Variants in DHRSX observed in about 807,000 individuals in gnomAD.
DHRSX encodes the protein polyprenol dehydrogenase.
Under a neutral mutation model 34.0 loss-of-function variants are expected in DHRSX, and 31 were observed. The ratio of observed to expected loss-of-function variants is 0.91; its 90% CI spans 0.69 to 1.23. The LOEUF is 1.23. Ranked by LOEUF, DHRSX falls within the 50% of genes most tolerant of loss-of-function variation. The probability of loss-of-function intolerance (pLI) is 0.00; values close to 1 mark genes in which losing one functional copy is unlikely to be tolerated. For synonymous variants in DHRSX, 201 were observed against 183.8 expected (o/e 1.09, Z -0.76); for missense variants, 414 against 428.1 (o/e 0.97, Z 0.29).
At chrX:2,271,785 T>C (rs1237864525) in intron 4 of DHRSX, among the ~76,000 whole-genome samples, 1 of 152,074 alleles carries the variant, frequency 6.6e-6, no homozygotes, top group Non-Finnish European at 1.5e-5. Flanking sequence ...ATGCCTGTAA[T>C]CCTCCCAGCA....
chrX:2,284,232 A>C (rs1363312817), intron 4 of DHRSX, among the ~76,000 whole-genome samples: 3 of 152,108 alleles, frequency 2.0e-5, no homozygotes, highest in Admixed American at 1.3e-4. Context: ...CTTTGAATTC[A>C]TTTGTTCATT....
chrX:2,362,912 T>C (rs1335587458), intron 3 of DHRSX, among the ~76,000 whole-genome samples: 1 of 118,812 alleles, frequency 8.4e-6, no homozygotes, highest in East Asian at 2.2e-4. Context: ...CGTTCTATGG[T>C]ATCATGCCAC....
At chrX:2,458,204 G>A (rs1487714659) in intron 1 of DHRSX, among the ~76,000 whole-genome samples, 4 of 151,998 alleles carry the variant, frequency 2.6e-5, no homozygotes, top group Non-Finnish European at 5.9e-5. Context: ...CACTGCAGAC[G>A]TTCCCTAAGA....
intron 5 of DHRSX, among the ~76,000 whole-genome samples, chrX:2,253,993 G>A (rs2016503004): frequency 1.3e-5 from 2 of 152,002 alleles, no homozygotes; most frequent in African/African-American, 2.4e-5. Context: ...CCCGGAAGGC[G>A]GAGCTTGCAG....
At chrX:2,291,894 G>GTTTTTTTTTTTTTTTTTTTTT (rs1162716010) in intron 3 of DHRSX, among the ~76,000 whole-genome samples, 1 of 95,322 alleles carries the variant, frequency 1.0e-5, no homozygotes, top group African/African-American at 3.9e-5. Flanking sequence ...TTGTATTTTT[G>GTTTTTTTTTTTTTTTTTTTTT]TATTTTTTTT....
intron 3 of DHRSX, among the ~76,000 whole-genome samples, chrX:2,389,873 G>A (rs762820955): frequency 5.3e-5 from 8 of 152,134 alleles, no homozygotes; most frequent in South Asian, 2.1e-4. Context: ...CTCCGCCTCC[G>A]GGGATCAAGT....
At chrX:2,495,773 G>A (rs761222119) in intron 1 of DHRSX, among the ~76,000 whole-genome samples, 1 of 152,194 alleles carries the variant, frequency 6.6e-6, no homozygotes, top group African/African-American at 2.4e-5. Context: ...CCAGTGCGGG[G>A]GGAGGGGGGT....
chrX:2,393,808 ACGACACACAGGGACCTCCCCG>A (rs2043373666), intron 3 of DHRSX, among the ~76,000 whole-genome samples: 1 of 53,746 alleles, frequency 1.9e-5, no homozygotes, highest in Non-Finnish European at 3.9e-5. Flanking sequence ...TCCTGCACAC[ACGACACACAGGGACCTCCCCG>A]TCTCCTGCAC....
At chrX:2,321,731 C>T (rs2042314299) in intron 3 of DHRSX, among the ~76,000 whole-genome samples, 1 of 152,054 alleles carries the variant, frequency 6.6e-6, no homozygotes, top group East Asian at 1.9e-4. Flanking sequence ...CATCTATGGT[C>T]CAGTTAACCC....
At chrX:2,414,884 C>G (rs183928445) in intron 2 of DHRSX, among the ~76,000 whole-genome samples, 5 of 152,038 alleles carry the variant, frequency 3.3e-5, no homozygotes, top group Non-Finnish European at 7.4e-5. Context: ...AACTAATTCT[C>G]ATAATGACCA....
chrX:2,329,901 A>C (rs1193679758), intron 3 of DHRSX, among the ~76,000 whole-genome samples: 1 of 152,020 alleles, frequency 6.6e-6, no homozygotes, highest in Non-Finnish European at 1.5e-5. Flanking sequence ...ACTTTCAGAG[A>C]AAACACTCTT....
chrX:2,477,861 A>T (rs1370867639), intron 1 of DHRSX, among the ~76,000 whole-genome samples: 1 of 152,024 alleles, frequency 6.6e-6, no homozygotes, highest in East Asian at 1.9e-4. Context: ...TCAAAAAAAA[A>T]AAAAAGAATG....
intron 1 of DHRSX, chrX:2,490,895 C>G: frequency 3.7e-6 from 3 of 815,232 alleles, no homozygotes; most frequent in Non-Finnish European, 5.8e-6. Flanking sequence ...TGGGGCCGGA[C>G]GGCTGGACCT....
At chrX:2,492,699 G>T (rs1396079364) in intron 1 of DHRSX, among the ~76,000 whole-genome samples, 3 of 146,140 alleles carry the variant, frequency 2.1e-5, no homozygotes, top group African/African-American at 7.6e-5. Context: ...TGATGATGTG[G>T]CTGGCCTGAA....
intron 3 of DHRSX, among the ~76,000 whole-genome samples, chrX:2,294,750 AAG>A (rs1440663308): frequency 2.7e-4 from 41 of 149,398 alleles, no homozygotes; most frequent in Admixed American, 1.2e-3. Context: ...AAAGAAGACA[AAG>A]AGAGAGACAG....
intron 5 of DHRSX, among the ~76,000 whole-genome samples, chrX:2,252,183 G>A (rs2016449442): frequency 1.3e-5 from 2 of 152,130 alleles, no homozygotes; most frequent in African/African-American, 2.4e-5. Context: ...GTTGCAGTGA[G>A]CTGATACCAC....
chrX:2,481,166 C>A (rs1200323047), intron 1 of DHRSX, among the ~76,000 whole-genome samples: 1 of 152,056 alleles, frequency 6.6e-6, no homozygotes, highest in Non-Finnish European at 1.5e-5. Context: ...TCACGTCGTA[C>A]CTCCTATATA....
chrX:2,364,069 C>A (rs1466481582), intron 3 of DHRSX, among the ~76,000 whole-genome samples: 2 of 152,106 alleles, frequency 1.3e-5, no homozygotes, highest in South Asian at 4.1e-4. Context: ...TGTCTAAGCT[C>A]TCCTCAAGAT....
chrX:2,320,071 C>A (rs979090890), intron 3 of DHRSX, among the ~76,000 whole-genome samples: 8 of 151,792 alleles, frequency 5.3e-5, no homozygotes, highest in African/African-American at 1.9e-4. Context: ...TCAGGTGATC[C>A]ACCCGCCTCG....
Sources: gnomAD v4.1 joint callset for allele counts (sites outside exome capture counted in the v4.1 genomes callset) on GRCh38, gnomAD v4.1.1 for gene constraint, MANE v1.5 for transcripts, NCBI Gene and HGNC (gene_info 2026-07-23, HGNC 2026-07-21) for gene names.